ARNT2: variants seen among roughly 807,000 people sequenced by gnomAD.
ARNT2 encodes aryl hydrocarbon receptor nuclear translocator 2, also known as ARNT protein 2.
In ARNT2, 36 loss-of-function variants were observed where a neutral mutation model predicts 91.7. The observed-to-expected ratio is 0.39, with a 90% CI of 0.30 to 0.52. The LOEUF (loss-of-function observed/expected upper bound fraction) is 0.52. Among genes scored for constraint, ARNT2 ranks in the 20% least tolerant of loss-of-function variants. The pLI is 0.72. For synonymous variants in ARNT2, 365 were observed against 347.1 expected (o/e 1.05, Z -0.57); for missense variants, 775 against 939.3 (o/e 0.83, Z 2.29).
chr15:80,529,343 C>T (rs1035842930), intron 8 of ARNT2, among the ~76,000 whole-genome samples: 3 of 152,206 alleles, frequency 2.0e-5, no homozygotes, highest in Admixed American at 6.5e-5. Flanking sequence ...GAGCTGAAAG[C>T]ACCTGGTATA....
At chr15:80,541,014 G>A (rs1897896679) in intron 8 of ARNT2, among the ~76,000 whole-genome samples, 1 of 152,132 alleles carries the variant, frequency 6.6e-6, no homozygotes, top group Admixed American at 6.6e-5. Context: ...CCCAGTAATG[G>A]GATTGCTGGG....
intron 5 of ARNT2, among the ~76,000 whole-genome samples, chr15:80,476,302 G>A (rs537484659): frequency 1.3e-5 from 2 of 152,276 alleles, no homozygotes; most frequent in African/African-American, 2.4e-5. Flanking sequence ...TGATGTCTGA[G>A]GTATGTGAAT....
At chr15:80,480,868 A>C (rs1896875894) in intron 5 of ARNT2, among the ~76,000 whole-genome samples, 1 of 150,840 alleles carries the variant, frequency 6.6e-6, no homozygotes, top group African/African-American at 2.4e-5. Context: ...TAGTTTATTC[A>C]TTTATTCATC....
chr15:80,429,340 A>T (rs1895976508), intron 1 of ARNT2, among the ~76,000 whole-genome samples: 1 of 152,162 alleles, frequency 6.6e-6, no homozygotes, highest in Non-Finnish European at 1.5e-5. Flanking sequence ...GTGGCCAATG[A>T]TTTAATCTCT....
chr15:80,564,947 C>A (rs1898450815), intron 12 of ARNT2, among the ~76,000 whole-genome samples: 1 of 147,234 alleles, frequency 6.8e-6, no homozygotes, highest in East Asian at 2.0e-4. Flanking sequence ...TAAATTGAGA[C>A]AGAATCTCAC....
intron 12 of ARNT2, among the ~76,000 whole-genome samples, chr15:80,571,342 C>T (rs760604305): frequency 1.3e-5 from 2 of 152,106 alleles, no homozygotes; most frequent in African/African-American, 2.4e-5. Context: ...TTCTTAGGAG[C>T]TGAGGAGAGT....
At chr15:80,548,604 A>G (rs1898029163) in intron 8 of ARNT2, among the ~76,000 whole-genome samples, 1 of 152,162 alleles carries the variant, frequency 6.6e-6, no homozygotes, top group African/African-American at 2.4e-5. Context: ...CTTCATATAC[A>G]TAAACAATAA....
At chr15:80,453,215 A>G (rs2141382176) in intron 2 of ARNT2, among the ~76,000 whole-genome samples, 1 of 152,340 alleles carries the variant, frequency 6.6e-6, no homozygotes, top group South Asian at 2.1e-4. Flanking sequence ...CAAGGGAATG[A>G]AACATCAAGA....
chr15:80,507,570 G>A (rs553061860), intron 5 of ARNT2, among the ~76,000 whole-genome samples: 19 of 152,204 alleles, frequency 1.2e-4, no homozygotes, highest in East Asian at 7.7e-4. Context: ...GATATAGTAC[G>A]GTCATTGGCA....
At chr15:80,565,641 C>A (rs773007313) in intron 12 of ARNT2, among the ~76,000 whole-genome samples, 1 of 151,552 alleles carries the variant, frequency 6.6e-6, no homozygotes, top group Admixed American at 6.6e-5. Flanking sequence ...CGATGATGAG[C>A]ATTTTTTTCA....
intron 8 of ARNT2, among the ~76,000 whole-genome samples, chr15:80,517,412 A>G (rs1301923063): frequency 1.3e-5 from 2 of 152,114 alleles, no homozygotes; most frequent in Non-Finnish European, 2.9e-5. Flanking sequence ...TTTGAATATA[A>G]CATGCCTAAA....
At chr15:80,467,616 A>G (rs778058584) in intron 3 of ARNT2, among the ~76,000 whole-genome samples, 24 of 152,214 alleles carry the variant, frequency 1.6e-4, no homozygotes, top group Non-Finnish European at 2.5e-4. Context: ...TGTACTGCCC[A>G]TGATCTTACA....
chr15:80,414,294 C>T (rs924060924), intron 1 of ARNT2, among the ~76,000 whole-genome samples: 1 of 152,148 alleles, frequency 6.6e-6, no homozygotes, highest in Non-Finnish European at 1.5e-5. Context: ...GCTAAACATC[C>T]TACTGTGCAC....
chr15:80,436,312 C>T (rs1351771748), intron 1 of ARNT2: 1 of 154,430 alleles, frequency 6.5e-6, no homozygotes, highest in Admixed American at 6.5e-5. Context: ...AAAGCATGGC[C>T]ATCACTGAAG....
intron 11 of ARNT2, among the ~76,000 whole-genome samples, chr15:80,561,909 T>G (rs1353233364): frequency 6.6e-6 from 1 of 152,246 alleles, no homozygotes; most frequent in Non-Finnish European, 1.5e-5. Flanking sequence ...TGTTAATCTC[T>G]TACTGTTTCT....
At chr15:80,428,187 G>A (rs1895959218) in intron 1 of ARNT2, among the ~76,000 whole-genome samples, 1 of 152,252 alleles carries the variant, frequency 6.6e-6, no homozygotes, top group African/African-American at 2.4e-5. Flanking sequence ...AGTCCTGAAA[G>A]AGGCAGAACT....
intron 6 of ARNT2, among the ~76,000 whole-genome samples, chr15:80,510,457 A>G (rs1236828230): frequency 1.3e-5 from 2 of 152,200 alleles, no homozygotes; most frequent in South Asian, 2.1e-4. Context: ...AAAAAGCTCA[A>G]TATCACTGAT....
Position 80,538,344 on chromosome 15 carries a change from A to G in ARNT2, c.878-12855A>G, listed in dbSNP as rs76360604. On this transcript the variant is annotated intron_variant, in intron 8 of 18. Coordinates refer to ENST00000303329, the MANE Select transcript of ARNT2 (RefSeq NM_014862.4). Reference sequence around the variant, plus strand: ...TTCAATGTCAAATTTTAACATTTTAATAATGGATTTTCAAAATTTTAGTAA... The same window carrying G: ...TTCAATGTCAAATTTTAACATTTTAGTAATGGATTTTCAAAATTTTAGTAA... Among the ~76,000 whole-genome samples, 288 of 152,350 alleles carry G rather than the reference A, an allele frequency of 1.9e-3. 7 individuals carry two copies. In the East Asian group the frequency reaches 0.046, roughly 24 times the overall value.
intron 12 of ARNT2, among the ~76,000 whole-genome samples, chr15:80,569,352 A>C (rs1403283849): frequency 6.6e-6 from 1 of 152,080 alleles, no homozygotes; most frequent in East Asian, 1.9e-4. Flanking sequence ...GTAGGAACCC[A>C]CTTCCCTCGC....
Sources: allele counts gnomAD v4.1 joint callset (sites outside exome capture counted in the v4.1 genomes callset), GRCh38; gene constraint gnomAD v4.1.1; transcripts MANE v1.5; gene names NCBI Gene and HGNC (gene_info 2026-07-23, HGNC 2026-07-21).